UBE2K: variants seen among roughly 807,000 people sequenced by gnomAD.
The protein encoded by UBE2K is ubiquitin-conjugating enzyme E2 K.
Under a neutral mutation model 30.0 loss-of-function variants are expected in UBE2K, and 6 were observed. The observed-to-expected ratio is 0.20, with a 90% confidence interval of 0.11 to 0.39. The LOEUF (loss-of-function observed/expected upper bound fraction) is 0.39. UBE2K is among the 10% of genes least tolerant of loss of function. The pLI, the probability that UBE2K is intolerant of heterozygous loss-of-function variation, is 1.00. For missense variants in UBE2K, 61 were observed against 241.6 expected (o/e 0.25, Z 4.96); for synonymous variants, 86 against 83.7 (o/e 1.03, Z -0.15).
intron 1 of UBE2K, among the ~76,000 whole-genome samples, chr4:39,724,814 A>G (rs1312703879): frequency 6.6e-6 from 1 of 151,836 alleles, no homozygotes; most frequent in African/African-American, 2.4e-5. Context: ...GGTAAAAGTA[A>G]CTGAGATACA....
chr4:39,774,236 G>A (rs1255191313), intron 4 of UBE2K, among the ~76,000 whole-genome samples: 4 of 152,044 alleles, frequency 2.6e-5, no homozygotes. Flanking sequence ...CCCAGGAGGC[G>A]GAGGTTGCAG....
intron 1 of UBE2K, among the ~76,000 whole-genome samples, chr4:39,716,550 A>G (rs774437997): frequency 1.2e-4 from 18 of 151,900 alleles, no homozygotes; most frequent in Non-Finnish European, 2.6e-4. Context: ...CGCCCAGCCC[A>G]GATGGACTAT....
intron 4 of UBE2K, among the ~76,000 whole-genome samples, chr4:39,762,184 A>AAATAATAATAATAATAATAAT (rs138206643): frequency 1.2e-4 from 17 of 143,872 alleles, no homozygotes; most frequent in African/African-American, 4.3e-4. Flanking sequence ...CATCTCAGTA[A>AAATAATAATAATAATAATAAT]AATAATAATA....
intron 2 of UBE2K, among the ~76,000 whole-genome samples, chr4:39,738,499 AT>A (rs1317238620): frequency 6.6e-6 from 1 of 151,948 alleles, no homozygotes; most frequent in Non-Finnish European, 1.5e-5. Flanking sequence ...TGTTTTATCT[AT>A]TTTTTTATAT....
rs540663424 is a variant in UBE2K at position 39,725,952 on chromosome 4, A to T, written c.64-11468A>T. 4.2e-3 allele frequency among the ~76,000 whole-genome samples: 611 copies of T among 144,104 alleles called. 2 individuals carry two copies. Among genetic ancestry groups the T allele is most frequent in the African/African-American group, 7.8e-3 (282 of 36,220 alleles). 94.5% of individuals were successfully genotyped at this position (144,104 alleles called of 152,430 possible). A position where few individuals can be genotyped will look rare whatever the true frequency, so the allele number is the denominator to read the frequency against. On this transcript the variant is annotated intron_variant, in intron 1 of 6. Transcript: ENST00000261427. ...ACCACCACACTTGGCCTTTTTTTTTAAAATAGTATTGTAAATATTTGGGTT... is the reference window on the plus strand; with the variant it reads ...ACCACCACACTTGGCCTTTTTTTTTTAAATAGTATTGTAAATATTTGGGTT...
chr4:39,739,735 G>A (rs953049332), intron 2 of UBE2K, among the ~76,000 whole-genome samples: 1 of 151,988 alleles, frequency 6.6e-6, no homozygotes, highest in Non-Finnish European at 1.5e-5. Flanking sequence ...GTGAGCCACC[G>A]CACCGCACCC....
At chr4:39,755,774 A>C in intron 4 of UBE2K, 35 bp downstream of exon 4, 658 of 1,431,564 alleles carry the variant, frequency 4.6e-4, no homozygotes, top group Non-Finnish European at 5.7e-4. Context: ...TCTCCTTCTC[A>C]TATGAATACC....
chr4:39,713,830 T>C (rs1718853305), intron 1 of UBE2K: 1 of 152,158 alleles, frequency 6.6e-6, no homozygotes, highest in South Asian at 2.1e-4. Flanking sequence ...GTATACTTTC[T>C]TCATTTTTGT....
chr4:39,772,864 T>G (rs148777649), intron 4 of UBE2K, among the ~76,000 whole-genome samples: 1,691 of 151,602 alleles, frequency 0.011, 38 homozygotes, highest in African/African-American at 0.038. Flanking sequence ...ATTTTTGCAT[T>G]TTTTGTAGAG....
intron 2 of UBE2K, among the ~76,000 whole-genome samples, chr4:39,738,377 T>C (rs1396582600): frequency 1.3e-5 from 2 of 152,214 alleles, no homozygotes; most frequent in Non-Finnish European, 2.9e-5. Context: ...TTGTTTAAGG[T>C]CAACCATCTA....
chr4:39,760,855 G>A (rs910854700), intron 4 of UBE2K: 2 of 152,364 alleles, frequency 1.3e-5, no homozygotes, highest in Admixed American at 1.3e-4. Flanking sequence ...TTGTGAGTAG[G>A]AGGAGCAGAA....
intron 4 of UBE2K, chr4:39,770,821 T>A (rs1382118339): frequency 5.2e-6 from 8 of 1,549,538 alleles, no homozygotes; most frequent in Non-Finnish European, 7.0e-6. Context: ...ACGATGCAGA[T>A]GTCAGATACG....
chr4:39,774,544 C>A (rs1439986500), intron 4 of UBE2K, among the ~76,000 whole-genome samples: 1 of 151,126 alleles, frequency 6.6e-6, no homozygotes, highest in Non-Finnish European at 1.5e-5. Flanking sequence ...ACCCGGGAGG[C>A]GGAGCTTGCA....
At position 39,708,854 on chromosome 4, in the gene UBE2K, G is replaced by T. The variant is rs1428166303; in HGVS notation, c.63+10464G>T. 1.3e-5 allele frequency among the ~76,000 whole-genome samples: 2 copies of T among 151,512 alleles called. 1 individual carries two copies. ...TTTTGGGAATATCCTTTTCATAAAT[G>T]ATAGTATAAAAGCTGACTGCTAATA... is the stretch of plus-strand genomic sequence containing the variant. On this transcript the variant is annotated intron_variant, in intron 1 of 6. Transcript: ENST00000261427.
intron 3 of UBE2K, among the ~76,000 whole-genome samples, chr4:39,752,482 G>A (rs1721320488): frequency 1.3e-5 from 2 of 151,766 alleles, no homozygotes; most frequent in African/African-American, 2.4e-5. Flanking sequence ...GACTACAGGC[G>A]CCCGCCACCG....
At chr4:39,763,703 A>T (rs1385830328) in intron 4 of UBE2K, among the ~76,000 whole-genome samples, 2 of 152,164 alleles carry the variant, frequency 1.3e-5, no homozygotes, top group Admixed American at 1.3e-4. Context: ...TGAGATTTGG[A>T]GAGGACAAAT....
At chr4:39,702,985 A>C (rs759444061) in intron 1 of UBE2K, among the ~76,000 whole-genome samples, 2 of 152,034 alleles carry the variant, frequency 1.3e-5, no homozygotes, top group African/African-American at 2.4e-5. Flanking sequence ...ATATGTTGAG[A>C]ACTATGTAGA....
chr4:39,774,790 G>C, intron 4 of UBE2K, 44 bp from the exon 5 acceptor site: 1 of 1,274,894 alleles, frequency 7.8e-7, no homozygotes, highest in Non-Finnish European at 1.1e-6. Context: ...GCTTTTGCCT[G>C]CAGAGCCCTC....
chr4:39,750,690 G>C (rs2109366739), intron 3 of UBE2K, among the ~76,000 whole-genome samples: 1 of 150,738 alleles, frequency 6.6e-6, no homozygotes, highest in South Asian at 2.1e-4. Flanking sequence ...CACTGTGCTG[G>C]GCCACGGAGA....
Sources: gnomAD v4.1 joint callset for allele counts (sites outside exome capture counted in the v4.1 genomes callset) on GRCh38, gnomAD v4.1.1 for gene constraint, MANE v1.5 for transcripts, NCBI Gene and HGNC (gene_info 2026-07-23, HGNC 2026-07-21) for gene names.